The following KIF24 variants were observed in gnomAD, a reference collection of about 807,000 sequenced individuals.
KIF24 encodes kinesin-like protein KIF24.
A neutral mutation model predicts 118.9 loss-of-function variants in KIF24; 81 were observed. That is an observed-to-expected ratio of 0.68 (90% CI 0.57 to 0.82). KIF24 has a LOEUF of 0.82. KIF24 is among the 40% of genes least tolerant of loss of function. The pLI, the probability that KIF24 is intolerant of heterozygous loss-of-function variation, is 0.00. For missense variants in KIF24, 1,560 were observed against 1,661.6 expected (o/e 0.94, Z 1.06); for synonymous variants, 599 against 610.0 (o/e 0.98, Z 0.27).
At chr9:34,285,213 T>G (rs778674287) in intron 6 of KIF24, among the ~76,000 whole-genome samples, 5 of 152,158 alleles carry the variant, frequency 3.3e-5, no homozygotes, top group Non-Finnish European at 5.9e-5. Context: ...GATTGAAAAA[T>G]TCCTTTGGAA....
intron 8 of KIF24, 97 bp from the exon 9 acceptor site, chr9:34,263,269 A>C: frequency 1.2e-6 from 1 of 829,342 alleles, no homozygotes; most frequent in Non-Finnish European, 2.1e-6. Flanking sequence ...TTCTTCAATA[A>C]ACCACACTCA....
intron 4 of KIF24, among the ~76,000 whole-genome samples, chr9:34,291,728 A>G (rs1018532707): frequency 6.6e-6 from 1 of 152,194 alleles, no homozygotes; most frequent in Non-Finnish European, 1.5e-5. Context: ...ACATAATCTT[A>G]GAGCTGTTGC....
intron 6 of KIF24, among the ~76,000 whole-genome samples, chr9:34,283,470 AAAAGG>A (rs1438252879): frequency 1.3e-5 from 2 of 152,216 alleles, no homozygotes; most frequent in Non-Finnish European, 2.9e-5. Flanking sequence ...TACACTTTAA[AAAAGG>A]TGAATGTTAC....
Position 34,306,444 on chromosome 9 carries a change from A to G in KIF24, c.624-3T>C. 6.4e-7 allele frequency: 1 copy of G among 1,568,038 alleles called. No individual in the cohort carries two copies. Among genetic ancestry groups the G allele is most frequent in the Non-Finnish European group, 8.6e-7 (1 of 1,156,814 alleles). ...TCTGTTTCTCTGAAGTGTTCTGTCT[A>G]ATATGTTTATAAACAGGCTTTTAAT... On this transcript the variant is annotated splice_polypyrimidine_tract_variant and splice_region_variant and intron_variant, in intron 2 of 12. Transcript: ENST00000402558.
Position 34,257,859 on chromosome 9 carries a change from C to G in KIF24, c.1748G>C (p.Cys583Ser), listed in dbSNP as rs201189519. ...TCCCAGCTTGACTTTTTTGGGAGAA[C>G]ATTTGTCCTCTGACAAAGCCCCAGG... ...SSPGALSEDK[C>S]SPKKVKLGFQ... is the part of the protein sequence containing the mutation. Residue 583 changes from cysteine to serine, a missense_variant, in exon 11 of 13, where the codon TGT becomes TCT. Physicochemically the swap from Cys to Ser is moderately radical, Grantham distance 112 (BLOSUM62 -1). This residue lies in a region of KIF24 where 964 missense variants were observed against 988.0 expected (regional missense o/e 0.98). Transcript: ENST00000402558. The G allele has an allele frequency of 1.2e-6, 2 of 1,614,002 alleles. No individual in the cohort carries two copies. The highest frequency in any genetic ancestry group is 1.7e-6 in the Non-Finnish European group (2 of 1,179,884).
intron 4 of KIF24, among the ~76,000 whole-genome samples, chr9:34,290,851 C>A (rs1836231029): frequency 6.6e-6 from 1 of 152,096 alleles, no homozygotes; most frequent in South Asian, 2.1e-4. Context: ...CTGCCCACCT[C>A]GGCCACTCAA....
intron 4 of KIF24, among the ~76,000 whole-genome samples, chr9:34,293,731 G>A (rs1249897587): frequency 1.3e-5 from 2 of 152,114 alleles, no homozygotes; most frequent in African/African-American, 2.4e-5. Context: ...AGCCAACATC[G>A]CGCCACTGCA....
chr9:34,321,563 TAAA>T (rs57959947), intron 1 of KIF24, among the ~76,000 whole-genome samples: 1 of 120,830 alleles, frequency 8.3e-6, no homozygotes. Flanking sequence ...CCGATAGCAT[TAAA>T]AAAAAAAAAA....
At chr9:34,254,871 G>A (rs1459618935) in intron 12 of KIF24, among the ~76,000 whole-genome samples, 2 of 152,178 alleles carry the variant, frequency 1.3e-5, no homozygotes, top group Non-Finnish European at 2.9e-5. Context: ...TGGAAAAGGC[G>A]AGTGTTGCAC....
intron 1 of KIF24, among the ~76,000 whole-genome samples, chr9:34,325,856 GA>G (rs1001867032): frequency 6.6e-6 from 1 of 152,274 alleles, no homozygotes; most frequent in East Asian, 1.9e-4. Flanking sequence ...GATTACTCAG[GA>G]AAATTGTGAC....
chr9:34,257,191 G>A lies in KIF24; in HGVS notation c.2416C>T (p.Pro806Ser), dbSNP rs1834882752. Residue 806 changes from proline (P) to serine (S), a missense_variant, in exon 11 of 13, where the codon CCT (proline) becomes TCT (serine). Transcript: ENST00000402558. The part of the protein sequence containing the change: ...PEGQLTNETP[P>S]LFHSYSENHD... ...TTTTCAGAGTAAGAGTGGAACAGAG[G>A]CGGAGTCTCATTCGTGAGCTGACCC... 3 of 1,614,046 alleles carry A rather than the reference G, an allele frequency of 1.9e-6. No individual in the cohort carries two copies. Among genetic ancestry groups the A allele is most frequent in the Non-Finnish European group, 2.5e-6 (3 of 1,179,896 alleles).
At chr9:34,300,866 AAAAAAAAAG>A (rs1177703731) in intron 3 of KIF24, among the ~76,000 whole-genome samples, 1 of 151,114 alleles carries the variant, frequency 6.6e-6, no homozygotes, top group African/African-American at 2.4e-5. Context: ...AAAAAAAAAA[AAAAAAAAAG>A]AAAAAACCCA....
At chr9:34,285,930 TAAAA>T (rs11283995) in intron 6 of KIF24, among the ~76,000 whole-genome samples, 1 of 120,880 alleles carries the variant, frequency 8.3e-6, no homozygotes, top group Non-Finnish European at 1.7e-5. Context: ...CCCTGTTGCT[TAAAA>T]AAAAAAAAAA....
chr9:34,279,860 C>G (rs1263998879), intron 6 of KIF24, among the ~76,000 whole-genome samples: 4 of 152,196 alleles, frequency 2.6e-5, no homozygotes, highest in Non-Finnish European at 5.9e-5. Context: ...TATAAGCTTT[C>G]CACCTTGATC....
chr9:34,306,427 T>C lies in KIF24; in HGVS notation c.638A>G (p.Glu213Gly), dbSNP rs1836921352. 6.2e-7 allele frequency: 1 copy of C among 1,601,160 alleles called. No individual in the cohort carries two copies. Among genetic ancestry groups the C allele is most frequent in the Middle Eastern group, 1.7e-4 (1 of 5,996 alleles). ...CATCTCAGTCCAAGGATTCTGTTTC[T>C]CTGAAGTGTTCTGTCTAATATGTTT... ...PHSCIRQNTS[E>G]KQNPWTEMEK... is the part of the protein sequence containing the mutation. The change falls in exon 3 of 13, where the codon GAG (glutamate) becomes GGG (glycine). Residue 213 changes from glutamate (E) to glycine (G), a missense_variant. Around this residue, in one of 3 missense-constraint regions of KIF24, gnomAD observed 964 missense variants for 988.0 expected, o/e 0.98. Coordinates refer to ENST00000402558, the MANE Select transcript of KIF24 (RefSeq NM_194313.4).
intron 2 of KIF24, 141 bp downstream of exon 2, chr9:34,310,583 T>C: frequency 1.7e-6 from 1 of 585,098 alleles, no homozygotes; most frequent in South Asian, 2.8e-5. Flanking sequence ...CTATTATTGA[T>C]GCAAATGCTG....
At position 34,311,318 on chromosome 9, in the gene KIF24, CAA is replaced by C. The variant is rs1316781199; in HGVS notation, c.27_28del (p.Cys10Ter). The C allele has an allele frequency of 6.3e-7, 1 of 1,584,562 alleles. No homozygotes were observed. On this transcript the variant is annotated frameshift_variant, in exon 2 of 13. Transcript: ENST00000402558. LOFTEE classifies it high-confidence loss of function. Reference sequence around the variant, plus strand: ...ATAATACTGTGCAAGTTCAGCTTCACAAAGACATTCATATAACCAGGATGCCA... The same window carrying C: ...ATAATACTGTGCAAGTTCAGCTTCACAGACATTCATATAACCAGGATGCCA...
Position 34,255,924 on chromosome 9 carries a change from G to GT in KIF24, c.3682dup (p.Thr1228AsnfsTer22), listed in dbSNP as rs776970278. 1.2e-6 allele frequency: 2 copies of GT among 1,614,018 alleles called. No individual in the cohort carries two copies. The highest frequency in any genetic ancestry group is 4.5e-5 in the East Asian group (2 of 44,884). ...ACCAAACTCCTGCCAACCAAGCCTTGTAGGATGTTTTCTCTCCTGGGCCCA... is the reference window on the plus strand; with the variant it reads ...ACCAAACTCCTGCCAACCAAGCCTTGTTAGGATGTTTTCTCTCCTGGGCCCA... On this transcript the variant is annotated frameshift_variant, in exon 11 of 13. Transcript: ENST00000402558. LOFTEE classifies it high-confidence loss of function.
chr9:34,257,879 C>T lies in KIF24; in HGVS notation c.1728G>A (p.Gly576=). ...SSPKRIQSSP[G]ALSEDKCSPK... is the part of the protein sequence containing the mutation. ...GAGAACATTTGTCCTCTGACAAAGC[C>T]CCAGGGGAGCTCTGAATTCGTTTTG... is the stretch of plus-strand genomic sequence containing the variant. Residue 576 remains glycine, a synonymous_variant, in exon 11 of 13, where the codon GGG becomes GGA. Coordinates refer to ENST00000402558, the MANE Select transcript of KIF24 (RefSeq NM_194313.4). 1 of 1,613,940 alleles carries T rather than the reference C, an allele frequency of 6.2e-7. No homozygotes were observed. Among genetic ancestry groups the T allele is most frequent in the Non-Finnish European group, 8.5e-7 (1 of 1,179,860 alleles).
Sources: allele counts gnomAD v4.1 joint callset (sites outside exome capture counted in the v4.1 genomes callset), GRCh38; gene constraint gnomAD v4.1.1; regional missense constraint gnomAD v4.1.1; transcripts MANE v1.5; gene names NCBI Gene and HGNC (gene_info 2026-07-23, HGNC 2026-07-21).